Variants in GUCY2C observed in about 807,000 individuals in gnomAD.
The protein encoded by GUCY2C is guanylyl cyclase C.
Under a neutral mutation model 131.1 loss-of-function variants are expected in GUCY2C, and 118 were observed. The observed-to-expected ratio is 0.90, with a 90% confidence interval of 0.78 to 1.05. The LOEUF (loss-of-function observed/expected upper bound fraction) is 1.05, where lower values mean the gene tolerates loss of function less well. Among genes scored for constraint, GUCY2C ranks in the 50% least tolerant of loss-of-function variants. The pLI, the probability that GUCY2C is intolerant of heterozygous loss-of-function variation, is 0.00. For missense variants in GUCY2C, 1,161 were observed against 1,304.4 expected, an observed-to-expected ratio of 0.89 and a Z score of 1.69; for synonymous variants, 452 against 457.8, an observed-to-expected ratio of 0.99 and a Z score of 0.16.
At position 14,696,494 on chromosome 12, in the gene GUCY2C, G is replaced by C. The variant is rs1379702426; in HGVS notation, c.-46C>G. On this transcript the variant is annotated 5_prime_UTR_variant, in exon 1 of 27. Transcript: ENST00000261170. Reference sequence around the variant, plus strand: ...CATACTCCTTGTGCCCACTTGCTTTGCTCTGTTGGGCTCCTAGGGAGGCAG... The same window carrying C: ...CATACTCCTTGTGCCCACTTGCTTTCCTCTGTTGGGCTCCTAGGGAGGCAG... The C allele has an allele frequency of 2.1e-6, 3 of 1,432,332 alleles. No individual in the cohort carries two copies. The highest frequency in any genetic ancestry group is 3.4e-5 in the Admixed American group (2 of 58,514). 88.7% of individuals were successfully genotyped at this position (1,432,332 alleles called of 1,614,324 possible).
intron 24 of GUCY2C, among the ~76,000 whole-genome samples, chr12:14,618,231 A>G (rs1304211627): frequency 6.6e-6 from 1 of 152,224 alleles, no homozygotes; most frequent in East Asian, 1.9e-4. Context: ...TTGGTTGGGT[A>G]TGATGGCTCT....
At chr12:14,639,252 C>G (rs1947344891) in intron 19 of GUCY2C, among the ~76,000 whole-genome samples, 1 of 143,744 alleles carries the variant, frequency 7.0e-6, no homozygotes, top group Admixed American at 7.4e-5. Flanking sequence ...GAGCCAAGAT[C>G]CTGCCACTGC....
intron 21 of GUCY2C, among the ~76,000 whole-genome samples, chr12:14,624,812 G>GC (rs1235082290): frequency 2.0e-5 from 3 of 152,158 alleles, no homozygotes; most frequent in Non-Finnish European, 4.4e-5. Flanking sequence ...TAGGAAAAAA[G>GC]CTGAAATGGT....
At chr12:14,686,336 A>C (rs754152464) in intron 2 of GUCY2C, 111 bp from the exon 3 acceptor site, 1 of 736,172 alleles carries the variant, frequency 1.4e-6, no homozygotes, top group Non-Finnish European at 2.3e-6. Flanking sequence ...TGGGCCTCCC[A>C]AAATGCTCAA....
At position 14,696,452 on chromosome 12, in the gene GUCY2C, C is replaced by G. The variant is rs754417503; in HGVS notation, c.-4G>C. ...AGTCCAACAGCAACGTCTTCATGAC[C>G]CCAATCACGTTAGAACCATACTCCT... On this transcript the variant is annotated 5_prime_UTR_variant, in exon 1 of 27. Transcript: ENST00000261170. 6.2e-7 allele frequency: 1 copy of G among 1,610,610 alleles called. No homozygotes were observed. Among genetic ancestry groups the G allele is most frequent in the Admixed American group, 1.7e-5 (1 of 60,016 alleles).
chr12:14,683,075 T>G lies in GUCY2C; in HGVS notation c.578A>C (p.Tyr193Ser). 6.2e-7 allele frequency: 1 copy of G among 1,613,384 alleles called. No homozygotes were observed. The highest frequency in any genetic ancestry group is 8.5e-7 in the Non-Finnish European group (1 of 1,179,384). The change falls in exon 4 of 27, where the codon TAC becomes TCC. Residue 193 changes from tyrosine (Y) to serine (S), a missense_variant. Physicochemically the swap from Tyr to Ser is moderately radical, Grantham distance 144. Transcript: ENST00000261170. ...GTCCTCAGTTTCTGTACCATTCTTG[T>G]AAACATACGAAGTGCTCCAGGAATA... ...KTYSWSTSYV[Y>S]KNGTETEDCF...
Position 14,661,020 on chromosome 12 carries a change from G to C in GUCY2C, c.1325C>G (p.Ala442Gly). The C allele has an allele frequency of 6.2e-7, 1 of 1,613,312 alleles. No individual in the cohort carries two copies. Among genetic ancestry groups the C allele is most frequent in the South Asian group, 1.1e-5 (1 of 91,060 alleles). ...LMIAVFTLTG[A>G]VVLLLLVALL... is the part of the protein sequence containing the mutation. ...AGCGACGAGCAGGAGCAGCACCACA[G>C]CTCCAGTGAGGGTGAAGACTGCAAT... The change falls in exon 11 of 27, where the codon GCT (alanine) becomes GGT (glycine). Residue 442 changes from alanine (A) to glycine (G), a missense_variant. Ala to Gly is a moderately conservative substitution (Grantham distance 60, BLOSUM62 0). Transcript: ENST00000261170.
intron 11 of GUCY2C, among the ~76,000 whole-genome samples, chr12:14,660,543 T>G (rs780689074): frequency 1.7e-4 from 26 of 152,160 alleles, no homozygotes; most frequent in Non-Finnish European, 3.4e-4. Context: ...CCTCTCCCAG[T>G]CTAAATATGT....
intron 7 of GUCY2C, among the ~76,000 whole-genome samples, chr12:14,675,224 A>G (rs202056348): frequency 1.4e-4 from 21 of 144,838 alleles, no homozygotes; most frequent in East Asian, 6.1e-4. Context: ...AAAAAAAAAA[A>G]AAAAAGAAAA....
At chr12:14,658,313 A>G (rs1014124241) in intron 11 of GUCY2C, among the ~76,000 whole-genome samples, 1 of 152,062 alleles carries the variant, frequency 6.6e-6, no homozygotes, top group Non-Finnish European at 1.5e-5. Flanking sequence ...CGTCATATTT[A>G]TGTATTTTTT....
Position 14,676,945 on chromosome 12 carries a change from G to T in GUCY2C, c.857C>A (p.Thr286Lys). Reference sequence around the variant, plus strand: ...GACATTTTTCATATAGTCAGGGGCTGTGACATTGTCCTCAAAGTACTGGTC... The same window carrying T: ...GACATTTTTCATATAGTCAGGGGCTTTGACATTGTCCTCAAAGTACTGGTC... The part of the protein sequence containing the change: ...FNDQYFEDNV[T>K]APDYMKNVLV... The change falls in exon 7 of 27, where the codon ACA becomes AAA. Residue 286 changes from threonine to lysine, a missense_variant. Coordinates refer to ENST00000261170, the MANE Select transcript of GUCY2C (RefSeq NM_004963.4). 1 of 1,548,378 alleles carries T rather than the reference G, an allele frequency of 6.5e-7. No individual in the cohort carries two copies.
At chr12:14,695,031 C>T (rs576409230) in intron 1 of GUCY2C, among the ~76,000 whole-genome samples, 8 of 152,096 alleles carry the variant, frequency 5.3e-5, no homozygotes, top group African/African-American at 1.7e-4. Context: ...GGATATAATA[C>T]ATACTGGATA....
chr12:14,622,400 A>G (rs7302797), intron 21 of GUCY2C, among the ~76,000 whole-genome samples: 7,828 of 152,300 alleles, frequency 0.051, 661 homozygotes, highest in African/African-American at 0.18. Flanking sequence ...CATGTTGTGA[A>G]CACAGATGAA....
At chr12:14,645,208 C>CTG in intron 16 of GUCY2C, 21 bp downstream of exon 16, 5 of 1,234,018 alleles carry the variant, frequency 4.1e-6, no homozygotes, top group Non-Finnish European at 5.9e-6. Flanking sequence ...TTCATATTTT[C>CTG]TGTGTGTGTG....
At chr12:14,682,437 G>A (rs2137092857) in intron 4 of GUCY2C, among the ~76,000 whole-genome samples, 1 of 152,232 alleles carries the variant, frequency 6.6e-6, no homozygotes, top group South Asian at 2.1e-4. Context: ...TTCGCCTTCT[G>A]CCATGATTGT....
chr12:14,679,041 G>A (rs1020329337), intron 6 of GUCY2C, among the ~76,000 whole-genome samples: 4 of 152,178 alleles, frequency 2.6e-5, no homozygotes, highest in Non-Finnish European at 5.9e-5. Flanking sequence ...TCATACAAGT[G>A]AAACTTCAAG....
At chr12:14,655,044 C>A (rs919775451) in intron 12 of GUCY2C, among the ~76,000 whole-genome samples, 2 of 152,206 alleles carry the variant, frequency 1.3e-5, no homozygotes, top group African/African-American at 4.8e-5. Context: ...AAATGCCTAG[C>A]TGTAACCAAT....
chr12:14,685,281 G>T (rs779924292), intron 3 of GUCY2C, among the ~76,000 whole-genome samples: 4 of 152,170 alleles, frequency 2.6e-5, no homozygotes, highest in African/African-American at 4.8e-5. Context: ...CCGCATTTTG[G>T]TATGGAAGAG....
intron 11 of GUCY2C, among the ~76,000 whole-genome samples, chr12:14,659,838 T>C (rs1947832232): frequency 1.3e-5 from 2 of 152,216 alleles, no homozygotes; most frequent in African/African-American, 4.8e-5. Context: ...GGCATAGCAT[T>C]GCACTGGTCA....
Sources: gnomAD v4.1 joint callset for allele counts (sites outside exome capture counted in the v4.1 genomes callset) on GRCh38, gnomAD v4.1.1 for gene constraint, MANE v1.5 for transcripts, NCBI Gene and HGNC (gene_info 2026-07-23, HGNC 2026-07-21) for gene names.